Variants in CTNNB1 observed in about 807,000 individuals in gnomAD.
The protein encoded by CTNNB1 is catenin beta-1.
Under a neutral mutation model 82.5 loss-of-function variants are expected in CTNNB1, and 6 were observed. That is an observed-to-expected ratio of 0.07 (90% CI 0.04 to 0.14). CTNNB1 has a LOEUF of 0.14. Among genes scored for constraint, CTNNB1 ranks in the 10% least tolerant of loss-of-function variants. The pLI is 1.00. For synonymous variants in CTNNB1, 312 were observed against 329.7 expected (o/e 0.95, Z 0.58); for missense variants, 529 against 980.4 (o/e 0.54, Z 6.15).
intron 6 of CTNNB1, among the ~76,000 whole-genome samples, chr3:41,226,889 G>C (rs921677209): frequency 6.6e-6 from 1 of 152,096 alleles, no homozygotes; most frequent in African/African-American, 2.4e-5. Context: ...TTTCATCTTA[G>C]GGCATTACTC....
At chr3:41,206,408 T>G (rs1326934545) in intron 1 of CTNNB1, among the ~76,000 whole-genome samples, 1 of 152,116 alleles carries the variant, frequency 6.6e-6, no homozygotes, top group Admixed American at 6.5e-5. Context: ...GAAATAGATA[T>G]ATGCATATAT....
At chr3:41,201,929 C>G (rs2125581998) in intron 1 of CTNNB1, among the ~76,000 whole-genome samples, 1 of 151,914 alleles carries the variant, frequency 6.6e-6, no homozygotes, top group Non-Finnish European at 1.5e-5. Context: ...GTTTTAATAA[C>G]ACCACCACCA....
chr3:41,201,936 A>G (rs1046901928), intron 1 of CTNNB1, among the ~76,000 whole-genome samples: 1 of 152,154 alleles, frequency 6.6e-6, no homozygotes, highest in African/African-American at 2.4e-5. Flanking sequence ...TAACACCACC[A>G]CCAAGATAGA....
rs1280556295 is a variant in CTNNB1, at chr3:41,227,439, TTAAC to T, written c.1081+90_1081+93del. On this transcript the variant is annotated intron_variant, in intron 7 of 14. Coordinates refer to ENST00000349496, the MANE Select transcript of CTNNB1 (RefSeq NM_001904.4). The stretch of plus-strand genomic sequence containing the variant: ...TTTCTTAGGAAAAGGTGGTAGAACT[TTAAC>T]TACTGAAAATAAATGGTCCTATTCA... The T allele has an allele frequency of 4.3e-6, 6 of 1,387,614 alleles. No individual in the cohort carries two copies. In the African/African-American group the frequency reaches 5.7e-5, roughly 13 times the overall value. 86.0% of individuals were successfully genotyped at this position (1,387,614 alleles called of 1,614,324 possible).
At chr3:41,211,154 C>T (rs763215519) in intron 1 of CTNNB1, 5 of 446,450 alleles carry the variant, frequency 1.1e-5, no homozygotes, top group Non-Finnish European at 2.3e-5. Flanking sequence ...ACACCAGCAT[C>T]ACCACAAACA....
Position 41,224,736 on chromosome 3 carries a change from C to T in CTNNB1, c.224C>T (p.Thr75Ile), listed in dbSNP as rs2125618286. The change falls in exon 3 of 15, where the codon ACT becomes ATT. Residue 75 changes from threonine to isoleucine, a missense_variant. Transcript: ENST00000349496. ...GAACAGGGATTTTCTCAGTCCTTCA[C>T]TCAAGAACAAGTAGCTGGTAAGAGT... ...EWEQGFSQSF[T>I]QEQVADIDGQ... 1 of 1,613,802 alleles carries T rather than the reference C, an allele frequency of 6.2e-7. No homozygotes were observed. Among genetic ancestry groups the T allele is most frequent in the Non-Finnish European group, 8.5e-7 (1 of 1,179,854 alleles).
chr3:41,224,263 A>G, intron 2 of CTNNB1, 182 bp downstream of exon 2: 1 of 799,180 alleles, frequency 1.3e-6, no homozygotes, highest in Non-Finnish European at 2.1e-6. Context: ...ACCAGCAGGA[A>G]TCTAGTCTGG....
intron 1 of CTNNB1, among the ~76,000 whole-genome samples, chr3:41,205,798 A>G (rs901330451): frequency 3.9e-5 from 6 of 152,344 alleles, no homozygotes; most frequent in East Asian, 1.9e-4. Context: ...GTAGTCTGCA[A>G]TTATTTTTAT....
chr3:41,213,115 A>G (rs1483750722), intron 1 of CTNNB1, among the ~76,000 whole-genome samples: 2 of 152,220 alleles, frequency 1.3e-5, no homozygotes, highest in Non-Finnish European at 2.9e-5. Context: ...ACCAAAGGCT[A>G]GAGAGCTCTA....
intron 1 of CTNNB1, among the ~76,000 whole-genome samples, chr3:41,218,805 C>T (rs1197296183): frequency 6.6e-6 from 1 of 152,196 alleles, no homozygotes; most frequent in Admixed American, 6.5e-5. Context: ...AATCCACCTG[C>T]CTTGGCTTCC....
chr3:41,207,684 C>T (rs1241579434), intron 1 of CTNNB1, among the ~76,000 whole-genome samples: 1 of 152,074 alleles, frequency 6.6e-6, no homozygotes, highest in African/African-American at 2.4e-5. Flanking sequence ...TTTTTGGTCC[C>T]CATCTCCCAC....
At chr3:41,201,298 G>A (rs548193718) in intron 1 of CTNNB1, among the ~76,000 whole-genome samples, 403 of 152,142 alleles carry the variant, frequency 2.6e-3, no homozygotes, top group Middle Eastern at 3.4e-3. Flanking sequence ...TTTGAACTAA[G>A]GCTGTGCGGA....
intron 1 of CTNNB1, chr3:41,222,453 G>A (rs555840395): frequency 3.0e-4 from 45 of 152,242 alleles, no homozygotes; most frequent in Admixed American, 1.2e-3. Flanking sequence ...TAGGGTTGCA[G>A]TGAAGAGCAA....
At chr3:41,203,577 CAG>C (rs2077583481) in intron 1 of CTNNB1, among the ~76,000 whole-genome samples, 1 of 152,004 alleles carries the variant, frequency 6.6e-6, no homozygotes, top group Non-Finnish European at 1.5e-5. Flanking sequence ...AAATCATTCA[CAG>C]AGTAAAACAT....
At chr3:41,203,172 T>C (rs1213308230) in intron 1 of CTNNB1, among the ~76,000 whole-genome samples, 1 of 151,990 alleles carries the variant, frequency 6.6e-6, no homozygotes, top group East Asian at 1.9e-4. Context: ...TTGGGTCATG[T>C]TGAGTGCCCT....
chr3:41,219,224 T>A (rs1028429847), intron 1 of CTNNB1, among the ~76,000 whole-genome samples: 1 of 152,224 alleles, frequency 6.6e-6, no homozygotes, highest in Non-Finnish European at 1.5e-5. Context: ...AGTGAAAGAT[T>A]GTTTAAAAAC....
chr3:41,210,568 C>CT (rs981957754), intron 1 of CTNNB1, among the ~76,000 whole-genome samples: 1 of 152,118 alleles, frequency 6.6e-6, no homozygotes, highest in African/African-American at 2.4e-5. Flanking sequence ...TCTGGAATGT[C>CT]TTCAGAGGCA....
At chr3:41,233,955 C>G (rs2078370507) in intron 9 of CTNNB1, 88 bp downstream of exon 9, 1 of 1,463,432 alleles carries the variant, frequency 6.8e-7, no homozygotes, top group Non-Finnish European at 9.6e-7. Context: ...GCATAGTGAT[C>G]AATAAGTAGG....
At position 41,238,281 on chromosome 3, in the gene CTNNB1, A is replaced by T. The variant is rs996731285; in HGVS notation, c.2137+205A>T. ...GAGCCACACAATGAGTAGCAGTAGG[A>T]TTACACCACCAACAAATACATGCTA... On this transcript the variant is annotated intron_variant, in intron 14 of 14. Transcript: ENST00000349496. The T allele has an allele frequency of 2.0e-5, 12 of 590,602 alleles. No individual in the cohort carries two copies. In the South Asian group the frequency reaches 2.3e-4, roughly 12 times the overall value. The allele number at this position is 590,602 out of a possible 1,614,324, so 36.6% of individuals were successfully genotyped here.
Sources: gnomAD v4.1 joint callset for allele counts (sites outside exome capture counted in the v4.1 genomes callset) on GRCh38, gnomAD v4.1.1 for gene constraint, MANE v1.5 for transcripts, NCBI Gene and HGNC (gene_info 2026-07-23, HGNC 2026-07-21) for gene names.